The following SPATA13 variants were observed in gnomAD, a reference collection of about 807,000 sequenced individuals.
The protein encoded by SPATA13 is spermatogenesis-associated protein 13.
In SPATA13, 50 loss-of-function variants were observed where a neutral mutation model predicts 104.0. The ratio of observed to expected loss-of-function variants is 0.48; its 90% CI spans 0.38 to 0.61. The LOEUF is 0.61. Ranked by LOEUF, SPATA13 falls within the 20% of genes least tolerant of loss-of-function variation. The pLI is 0.00. For missense variants in SPATA13, 1,524 were observed against 1,690.6 expected, an observed-to-expected ratio of 0.90 and a Z score of 1.73; for synonymous variants, 606 against 667.5, an observed-to-expected ratio of 0.91 and a Z score of 1.42.
At chr13:24,174,251 G>A (rs1020804055) in intron 1 of SPATA13, among the ~76,000 whole-genome samples, 5 of 152,084 alleles carry the variant, frequency 3.3e-5, no homozygotes, top group Non-Finnish European at 5.9e-5. Context: ...GTGTAGAGTT[G>A]CTCGTATTAT....
At chr13:24,177,526 C>T (rs994608616) in intron 1 of SPATA13, among the ~76,000 whole-genome samples, 9 of 152,182 alleles carry the variant, frequency 5.9e-5, no homozygotes, top group East Asian at 1.9e-4. Context: ...ACTCTGCAAT[C>T]GTAGTTCACT....
intron 3 of SPATA13, among the ~76,000 whole-genome samples, chr13:24,080,293 C>T (rs968710380): frequency 2.6e-5 from 4 of 152,198 alleles, no homozygotes; most frequent in Non-Finnish European, 4.4e-5. Context: ...ACAAATGGCT[C>T]AGGACATCAC....
At chr13:24,155,869 A>G (rs1033547255), upstream of SPATA13, among the ~76,000 whole-genome samples, 101 of 152,142 alleles carry the variant, frequency 6.6e-4, no homozygotes, top group Admixed American at 6.6e-3. Context: ...TCTGGCAATC[A>G]CCATTCTACT....
At position 24,304,352 on chromosome 13, in the gene SPATA13, A is replaced by C. The variant is rs575195642; in HGVS notation, c.*1579A>C. The C allele has an allele frequency of 4.6e-5, 7 of 152,374 alleles. No individual in the cohort carries two copies. Among genetic ancestry groups the C allele is most frequent in the African/African-American group, 1.4e-4 (6 of 41,594 alleles). The allele number at this position is 152,374 out of a possible 1,614,324, so 9.4% of individuals were successfully genotyped here. A position where few individuals can be genotyped will look rare whatever the true frequency, so the allele number is the denominator to read the frequency against. On this transcript the variant is annotated 3_prime_UTR_variant, in exon 13 of 13. Coordinates refer to ENST00000382108, the MANE Select transcript of SPATA13 (RefSeq NM_001166271.3). ...TATGTCTAGAGAAGGCAGGCTCTGC[A>C]AGAGAGGTGCCCTTTCAACCCGCTC...
rs371571219 is a variant in SPATA13 at position 24,121,263 on chromosome 13, T to C, written c.-111-101556T>C. Reference sequence around the variant, plus strand: ...AGCAATGAAATACCACTAAACCCTTTTTACATACCGAATTCAAGTCACTAT... The same window carrying C: ...AGCAATGAAATACCACTAAACCCTTCTTACATACCGAATTCAAGTCACTAT... On this transcript the variant is annotated intron_variant, in intron 3 of 14. Transcript: ENST00000424834. 1.1e-4 allele frequency among the ~76,000 whole-genome samples: 17 copies of C among 152,234 alleles called. No individual in the cohort carries two copies. The South Asian group carries it at 3.5e-3, about 32-fold the overall frequency.
intron 1 of SPATA13, among the ~76,000 whole-genome samples, chr13:24,202,250 C>G (rs777696265): frequency 2.0e-5 from 3 of 151,708 alleles, no homozygotes; most frequent in Non-Finnish European, 4.4e-5. Context: ...GATTTAAGTG[C>G]AAAAGGACGT....
intron 4 of SPATA13, among the ~76,000 whole-genome samples, chr13:24,280,880 G>A (rs542059503): frequency 2.0e-5 from 3 of 152,090 alleles, no homozygotes; most frequent in Admixed American, 1.3e-4. Context: ...CCGACTGTAC[G>A]CACCCTGGCC....
intron 2 of SPATA13, 146 bp downstream of exon 2, chr13:24,224,728 T>C: frequency 1.2e-6 from 1 of 804,684 alleles, no homozygotes; most frequent in South Asian, 1.5e-5. Context: ...GGAATGGGAG[T>C]TGTCAAGTTG....
At chr13:24,074,452 G>A (rs4769316) in intron 3 of SPATA13, among the ~76,000 whole-genome samples, 22,039 of 152,010 alleles carry the variant, frequency 0.14, 1,948 homozygotes, top group East Asian at 0.31. Context: ...ATTGTGAATA[G>A]TATGGCTATG....
intron 2 of SPATA13, among the ~76,000 whole-genome samples, chr13:24,017,116 T>C (rs1325674): frequency 0.91 from 137,830 of 152,174 alleles, 62,617 homozygotes; most frequent in East Asian, 1. Context: ...GGGCAGAGAG[T>C]TGAGGTAACA....
intron 3 of SPATA13, among the ~76,000 whole-genome samples, chr13:24,024,199 A>G (rs914468569): frequency 6.6e-6 from 1 of 152,194 alleles, no homozygotes; most frequent in Non-Finnish European, 1.5e-5. Context: ...TCACACTGTG[A>G]ACTGGCCCCA....
intron 3 of SPATA13, among the ~76,000 whole-genome samples, chr13:24,130,173 G>A (rs9553195): frequency 0.11 from 16,029 of 152,204 alleles, 1,220 homozygotes; most frequent in East Asian, 0.44. Flanking sequence ...TCAGCACTTC[G>A]TGTGAAGGGA....
intron 3 of SPATA13, among the ~76,000 whole-genome samples, chr13:24,082,164 A>G (rs6490867): frequency 0.87 from 132,652 of 152,166 alleles, 57,961 homozygotes; most frequent in Admixed American, 0.92. Context: ...CTTGACATGC[A>G]GGATCCAAAA....
At chr13:24,287,315 C>T (rs984247313) in intron 7 of SPATA13, among the ~76,000 whole-genome samples, 6 of 152,156 alleles carry the variant, frequency 3.9e-5, no homozygotes, top group African/African-American at 1.4e-4. Context: ...GCATGCATCA[C>T]CACACCCAGC....
rs181702156 is a variant in SPATA13, at chr13:24,240,913, T to C, written c.1654-8564T>C. Among the ~76,000 whole-genome samples the C allele has an allele frequency of 8.9e-4, 135 of 152,346 alleles. 1 individual carries two copies. The highest frequency in any genetic ancestry group is 2.5e-3 in the Admixed American group (39 of 15,308). ...GATAAACATTCATTGTTTTAAAATG[T>C]TTAACAAATGACCAAACTGCTTCCT... On this transcript the variant is annotated intron_variant, in intron 2 of 12. Coordinates refer to ENST00000382108, the MANE Select transcript of SPATA13 (RefSeq NM_001166271.3).
intron 2 of SPATA13, among the ~76,000 whole-genome samples, chr13:24,225,776 C>T (rs1434362323): frequency 1.3e-5 from 2 of 152,164 alleles, no homozygotes; most frequent in African/African-American, 4.8e-5. Flanking sequence ...GCCTGCAGTC[C>T]AGGGGCATGT....
At chr13:24,301,666 C>A (rs1280088135) in intron 12 of SPATA13, among the ~76,000 whole-genome samples, 1 of 152,220 alleles carries the variant, frequency 6.6e-6, no homozygotes, top group East Asian at 1.9e-4. Context: ...GGAGAGCCTT[C>A]TGGCAGGCCA....
chr13:24,151,430 T>G, intron 3 of SPATA13, among the ~76,000 whole-genome samples: 1 of 152,246 alleles, frequency 6.6e-6, no homozygotes, highest in East Asian at 1.9e-4. Flanking sequence ...AGTGCCTGGC[T>G]GTTAGTAACC....
At chr13:24,013,042 G>T (rs1876547352) in intron 2 of SPATA13, among the ~76,000 whole-genome samples, 2 of 152,116 alleles carry the variant, frequency 1.3e-5, no homozygotes, top group Admixed American at 1.3e-4. Flanking sequence ...AGGGCCCATT[G>T]TCACCCCTTT....
Sources: gnomAD v4.1 joint callset for allele counts (sites outside exome capture counted in the v4.1 genomes callset) on GRCh38, gnomAD v4.1.1 for gene constraint, MANE v1.5 for transcripts, NCBI Gene and HGNC (gene_info 2026-07-23, HGNC 2026-07-21) for gene names.